Variants in MYBBP1A observed in about 807,000 individuals in gnomAD.
MYBBP1A encodes myb-binding protein 1A.
A neutral mutation model predicts 136.3 loss-of-function variants in MYBBP1A; 147 were observed. The ratio of observed to expected loss-of-function variants is 1.08; its 90% CI spans 0.94 to 1.24. The LOEUF (loss-of-function observed/expected upper bound fraction) is 1.24, where lower values mean the gene tolerates loss of function less well. Among genes scored for constraint, MYBBP1A ranks in the 50% most tolerant of loss-of-function variants. The pLI, the probability that MYBBP1A is intolerant of heterozygous loss-of-function variation, is 0.00. For missense variants in MYBBP1A, 2,060 were observed against 1,727.4 expected (o/e 1.19, Z -3.41); for synonymous variants, 947 against 735.8 (o/e 1.29, Z -4.65).
chr17:4,540,563 C>CCTCA, intron 24 of MYBBP1A, 79 bp from the exon 25 acceptor site: 1 of 1,452,456 alleles, frequency 6.9e-7, no homozygotes, highest in Non-Finnish European at 9.1e-7. Context: ...CCCACCTCTG[C>CCTCA]CCTGTTGCTG....
At chr17:4,549,920 G>C in intron 9 of MYBBP1A, 138 bp downstream of exon 9, 1 of 903,706 alleles carries the variant, frequency 1.1e-6, no homozygotes, top group Non-Finnish European at 1.7e-6. Flanking sequence ...GGCCTCATAT[G>C]AGAGCTAAGG....
chr17:4,541,709 A>G, intron 23 of MYBBP1A, 75 bp downstream of exon 23: 1 of 1,486,630 alleles, frequency 6.7e-7, no homozygotes, highest in Non-Finnish European at 9.4e-7. Flanking sequence ...TCCAATCCTC[A>G]CTTCTTTCCC....
At position 4,554,261 on chromosome 17, in the gene MYBBP1A, T is replaced by G. The variant is rs1481301754; in HGVS notation, c.312A>C (p.Glu104Asp). The G allele has an allele frequency of 1.9e-6, 3 of 1,614,012 alleles. No homozygotes were observed. In the South Asian group the frequency reaches 3.3e-5, roughly 18 times the overall value. The part of the protein sequence containing the change: ...LALAQLLQSF[E>D]DLPLCSILQQ... The stretch of plus-strand genomic sequence containing the variant: ...GCAGGATGCTGCACAAGGGGAGGTC[T>G]TCAAAAGACTGTAACAGCTGCCAGG... The change falls in exon 3 of 26, where the codon GAA becomes GAC. Residue 104 changes from glutamate (E) to aspartate (D), a missense_variant. Coordinates refer to ENST00000254718, the MANE Select transcript of MYBBP1A (RefSeq NM_014520.4).
chr17:4,545,433 C>T, intron 15 of MYBBP1A, 88 bp from the exon 16 acceptor site: 2 of 1,565,822 alleles, frequency 1.3e-6, no homozygotes, highest in East Asian at 2.3e-5. Context: ...ACCTCCATTT[C>T]CCAGAAGAAA....
At chr17:4,540,573 G>C (rs1382172751) in intron 24 of MYBBP1A, 89 bp from the exon 25 acceptor site, 2 of 1,421,360 alleles carry the variant, frequency 1.4e-6, no homozygotes, top group East Asian at 2.5e-5. Context: ...CCCTGTTGCT[G>C]CCTCACCAGT....
chr17:4,542,317 T>G (rs1410639195), intron 22 of MYBBP1A, 147 bp downstream of exon 22: 1 of 919,626 alleles, frequency 1.1e-6, no homozygotes, highest in South Asian at 1.6e-5. Context: ...TCAGAGACCA[T>G]GTACCCACAG....
intron 13 of MYBBP1A, chr17:4,547,667 C>A: frequency 2.7e-6 from 1 of 375,250 alleles, no homozygotes; most frequent in Middle Eastern, 6.9e-4. Flanking sequence ...AGTGCAAGCT[C>A]CTTTGCCTCT....
At chr17:4,554,508 C>T (rs1463725192) in intron 2 of MYBBP1A, among the ~76,000 whole-genome samples, 1 of 152,202 alleles carries the variant, frequency 6.6e-6, no homozygotes, top group Non-Finnish European at 1.5e-5. Flanking sequence ...TCCTGCAGGC[C>T]TGGGTCTTTA....
In MYBBP1A at chr17:4,552,516, C is replaced by T; in HGVS notation, c.672G>A (p.Lys224=). The T allele has an allele frequency of 6.2e-7, 1 of 1,613,954 alleles. No individual in the cohort carries two copies. The highest frequency in any genetic ancestry group is 8.5e-7 in the Non-Finnish European group (1 of 1,180,040). Residue 224 remains lysine, a synonymous_variant, in exon 6 of 26, where the codon AAG becomes AAA. Coordinates refer to ENST00000254718, the MANE Select transcript of MYBBP1A (RefSeq NM_014520.4). The surrounding 1 kb of genome is among the most constrained non-coding windows in gnomAD (Gnocchi z 4.7). The stretch of plus-strand genomic sequence containing the variant: ...CCAGCTTCTTGAGCTTGGAGGGCAC[C>T]TTCTGCTGGGCCAGGAGGAAGAGCT... The part of the protein sequence containing the change: ...QLELFLLAQQ[K]VPSKLKKLVG...
At chr17:4,541,219 A>C (rs1205458805) in intron 24 of MYBBP1A, among the ~76,000 whole-genome samples, 4 of 151,854 alleles carry the variant, frequency 2.6e-5, no homozygotes, top group Non-Finnish European at 4.4e-5. Flanking sequence ...GTGCCACCCC[A>C]CCCCCTCTCA....
chr17:4,544,884 TC>T lies in MYBBP1A; in HGVS notation c.2347del (p.Asp783MetfsTer4), dbSNP rs768699652. On this transcript the variant is annotated frameshift_variant, in exon 18 of 26. Transcript: ENST00000254718. LOFTEE classifies it high-confidence loss of function. ...CTGGTCCAGGGCCATCATGGCCTCA[TC>T]CCCCAGCTCCTCCTCGTTCTCACTG... ...EDSENEEELG[D>X]EAMMALDQSL... The T allele has an allele frequency of 7.5e-6, 12 of 1,606,468 alleles. No homozygotes were observed. In the African/African-American group the frequency reaches 1.3e-4, roughly 18 times the overall value.
At chr17:4,544,988 C>A in intron 17 of MYBBP1A, 38 bp downstream of exon 17, 1 of 1,463,944 alleles carries the variant, frequency 6.8e-7, no homozygotes. Context: ...ACACCCGAGC[C>A]CTCCCCGGCC....
At chr17:4,544,417 G>A (rs960930053) in intron 19 of MYBBP1A, 72 bp downstream of exon 19, 33 of 1,526,038 alleles carry the variant, frequency 2.2e-5, no homozygotes, top group Non-Finnish European at 2.7e-5. Flanking sequence ...CAGACAGCAA[G>A]CCTAGAGCTC....
intron 13 of MYBBP1A, among the ~76,000 whole-genome samples, chr17:4,546,181 T>C (rs949163038): frequency 6.6e-6 from 1 of 152,240 alleles, no homozygotes; most frequent in African/African-American, 2.4e-5. Context: ...TACAGTGGTC[T>C]GATCTCGGCT....
Position 4,542,974 on chromosome 17 carries a change from T to G in MYBBP1A, c.2831A>C (p.His944Pro). 6.2e-7 allele frequency: 1 copy of G among 1,614,052 alleles called. No homozygotes were observed. The highest frequency in any genetic ancestry group is 8.5e-7 in the Non-Finnish European group (1 of 1,179,982). ...AGCTTTCTGCTTCTCCTGTGTCTCA[T>G]GCACGCAGCCCTCAGCAGTGTTGCC... ...LKGNTAEGCVHETQEKQKAGT... is the reference protein window; with the variant it reads ...LKGNTAEGCVPETQEKQKAGT... Residue 944 changes from histidine (H) to proline (P), a missense_variant, in exon 20 of 26, where the codon CAT (histidine) becomes CCT (proline). Transcript: ENST00000254718.
rs1379184286 is a variant in MYBBP1A, at chr17:4,539,352, A to T, written c.*63T>A. On this transcript the variant is annotated 3_prime_UTR_variant, in exon 26 of 26. Coordinates refer to ENST00000254718, the MANE Select transcript of MYBBP1A (RefSeq NM_014520.4). Reference sequence around the variant, plus strand: ...GTATTAAAATCATGGTTTAAAAAAAAAAAAAAAAAATAGGCGTCTCAGGCA... The same window carrying T: ...GTATTAAAATCATGGTTTAAAAAAATAAAAAAAAAATAGGCGTCTCAGGCA... 27 of 1,501,674 alleles carry T rather than the reference A, an allele frequency of 1.8e-5. No homozygotes were observed. The highest frequency in any genetic ancestry group is 2.3e-5 in the Admixed American group (1 of 43,654). 93.0% of individuals were successfully genotyped at this position (1,501,674 alleles called of 1,614,324 possible).
At chr17:4,555,006 GC>G in intron 1 of MYBBP1A, 50 bp from the exon 2 acceptor site, 1 of 1,603,710 alleles carries the variant, frequency 6.2e-7, no homozygotes, top group Non-Finnish European at 8.5e-7. Flanking sequence ...CAAGGTGCAC[GC>G]CCCCGCGCAC....
rs532689710 is a variant in MYBBP1A at position 4,548,947 on chromosome 17, A to C, written c.1431-298T>G. ...ATGGGAGGCTGTGTGGTCATGGCCA[A>C]GTCAGGTCACTGCTCCTGCGAACAT... On this transcript the variant is annotated intron_variant, in intron 10 of 25. Coordinates refer to ENST00000254718, the MANE Select transcript of MYBBP1A (RefSeq NM_014520.4). The surrounding 1 kb of genome is among the most constrained non-coding windows in gnomAD (Gnocchi z 4.2). Among the ~76,000 whole-genome samples the C allele has an allele frequency of 5.9e-5, 9 of 152,358 alleles. No homozygotes were observed. Among genetic ancestry groups the C allele is most frequent in the East Asian group, 3.9e-4 (2 of 5,184 alleles).
At chr17:4,543,330 T>A in intron 19 of MYBBP1A, 165 bp from the exon 20 acceptor site, 1 of 923,744 alleles carries the variant, frequency 1.1e-6, no homozygotes, top group Non-Finnish European at 1.6e-6. Context: ...GCAGGCTGCC[T>A]GGAAGCTGTG....
Sources: gnomAD v4.1 joint callset for allele counts (sites outside exome capture counted in the v4.1 genomes callset) on GRCh38, gnomAD v4.1.1 for gene constraint, Gnocchi (gnomAD v3.1) non-coding constraint, MANE v1.5 for transcripts, NCBI Gene and HGNC (gene_info 2026-07-23, HGNC 2026-07-21) for gene names.